Variants in RFESD observed in about 807,000 individuals in gnomAD.
RFESD encodes the protein Rieske Fe-S domain containing, also known as Rieske domain-containing protein.
In RFESD, 16 loss-of-function variants were observed where a neutral mutation model predicts 24.4. The ratio of observed to expected loss-of-function variants is 0.66; its 90% confidence interval spans 0.44 to 1.00. The LOEUF is 1.00. Ranked by LOEUF, RFESD falls within the 50% of genes least tolerant of loss-of-function variation. The pLI is 0.00. For synonymous variants in RFESD, 59 were observed against 81.8 expected, an observed-to-expected ratio of 0.72 and a Z score of 1.50; for missense variants, 208 against 247.0, an observed-to-expected ratio of 0.84 and a Z score of 1.06.
intron 5 of RFESD, 28 bp downstream of exon 5, chr5:95,654,395 A>G: frequency 7.0e-7 from 1 of 1,419,316 alleles, no homozygotes; most frequent in South Asian, 1.2e-5. Context: ...TATTTTCAGC[A>G]AATTCAGCAA....
intron 2 of RFESD, 190 bp downstream of exon 2, chr5:95,652,521 C>T: frequency 4.3e-6 from 3 of 693,480 alleles, no homozygotes; most frequent in Non-Finnish European, 6.4e-6. Context: ...CCATTCATTT[C>T]TTGGCCTTTC....
At chr5:95,646,925 G>A (rs1181031988) in intron 1 of RFESD, 108 bp downstream of exon 1, 2 of 152,408 alleles carry the variant, frequency 1.3e-5, no homozygotes, top group African/African-American at 4.8e-5. Context: ...CCGCTGCGGG[G>A]CCTGAGGCCC....
In RFESD at chr5:95,654,323, T is replaced by G. The variant is rs1750582143; in HGVS notation, c.335-10T>G. On this transcript the variant is annotated splice_polypyrimidine_tract_variant and intron_variant, in intron 4 of 5. Transcript: ENST00000380005. The stretch of plus-strand genomic sequence containing the variant: ...TTAGTGACTGCAGGTAATATTCAAT[T>G]CCTTTTCAGACTCAGGAGGACCTTT... 6.2e-7 allele frequency: 1 copy of G among 1,609,534 alleles called. No homozygotes were observed. Among genetic ancestry groups the G allele is most frequent in the African/African-American group, 1.3e-5 (1 of 74,818 alleles).
At position 95,646,780 on chromosome 5, in the gene RFESD, G is replaced by A. The variant is rs548449830; in HGVS notation, c.-173G>A. 1 of 152,264 alleles carries A rather than the reference G, an allele frequency of 6.6e-6. No homozygotes were observed. The highest frequency in any genetic ancestry group is 1.5e-5 in the Non-Finnish European group (1 of 68,078). The allele number at this position is 152,264 out of a possible 1,614,324, so 9.4% of individuals were successfully genotyped here. On this transcript the variant is annotated 5_prime_UTR_variant, in exon 1 of 6. Transcript: ENST00000380005. ...CACGTCTGGAGCTCTGGCTCGTGCA[G>A]TAGCGTCACGCGGAGGCGGAGCGAG...
chr5:95,652,362 C>A (rs994339062), intron 2 of RFESD, 31 bp downstream of exon 2: 1 of 1,546,368 alleles, frequency 6.5e-7, no homozygotes, highest in Admixed American at 2.0e-5. Flanking sequence ...GACCTGGAAA[C>A]TCCCCAGTTT....
rs1750387720 is a variant in RFESD at position 95,652,315 on chromosome 5, C to T, written c.44C>T (p.Ser15Phe). The T allele has an allele frequency of 6.4e-7, 1 of 1,550,880 alleles. No individual in the cohort carries two copies. The highest frequency in any genetic ancestry group is 1.4e-5 in the African/African-American group (1 of 73,034). ...FRNCLRPSSL[S>F]TLPLQYGILF... ...AATTGTCTTAGACCTTCTTCCTTAT[C>T]TACACTTCCTCTCCAAGTGAGTCCA... The change falls in exon 2 of 6, where the codon TCT becomes TTT. Residue 15 changes from serine to phenylalanine, a missense_variant. Ser to Phe is a radical substitution (Grantham distance 155, BLOSUM62 -2). Transcript: ENST00000380005.
At chr5:95,654,295 T>C (rs772587611) in intron 4 of RFESD, 38 bp from the exon 5 acceptor site, 1 of 1,610,584 alleles carries the variant, frequency 6.2e-7, no homozygotes, top group Non-Finnish European at 8.5e-7. Context: ...AAATTTCAGT[T>C]TTTTAGTGAC....
intron 1 of RFESD, among the ~76,000 whole-genome samples, chr5:95,649,583 A>C (rs926455314): frequency 1.3e-5 from 2 of 152,372 alleles, no homozygotes; most frequent in African/African-American, 2.4e-5. Flanking sequence ...TATCACTAGC[A>C]GTTCCATATT....
chr5:95,654,169 C>G lies in RFESD; in HGVS notation c.267C>G (p.Val89=). 6.2e-7 allele frequency: 1 copy of G among 1,612,434 alleles called. No homozygotes were observed. Among genetic ancestry groups the G allele is most frequent in the Non-Finnish European group, 8.5e-7 (1 of 1,179,346 alleles). Residue 89 remains valine (V), a synonymous_variant, in exon 4 of 6, where the codon GTC becomes GTG. Transcript: ENST00000380005. The stretch of plus-strand genomic sequence containing the variant: ...AATCTGAAAGAATGACAGCTGTTGT[C>G]CATGATAGAGAAGTGGTCATTTTCT... ...IKKSERMTAV[V]HDREVVIFYH...
rs199897744 is a variant in RFESD, at chr5:95,654,152, A to G, written c.250A>G (p.Arg84Gly). The G allele has an allele frequency of 1.1e-5, 18 of 1,612,446 alleles. No homozygotes were observed. The African/African-American group carries it at 2.4e-4, about 22-fold the overall frequency. ...AGAAGATGACATTAAAAAATCTGAAAGAATGACAGCTGTTGTCCATGATAG... is the reference window on the plus strand; with the variant it reads ...AGAAGATGACATTAAAAAATCTGAAGGAATGACAGCTGTTGTCCATGATAG... ...GREDDIKKSE[R>G]MTAVVHDREV... is the part of the protein sequence containing the mutation. Residue 84 changes from arginine to glycine, a missense_variant, in exon 4 of 6, where the codon AGA becomes GGA. By Grantham distance (125) the Arg-to-Gly change is moderately radical. Coordinates refer to ENST00000380005, the MANE Select transcript of RFESD (RefSeq NM_001131066.2).
At chr5:95,649,116 TGAAAA>T (rs1316426062) in intron 1 of RFESD, among the ~76,000 whole-genome samples, 5 of 145,048 alleles carry the variant, frequency 3.4e-5, no homozygotes, top group Non-Finnish European at 6.1e-5. Context: ...ACTTAAATCT[TGAAAA>T]GAATAATTTT....
chr5:95,650,124 C>A (rs1206732317), intron 1 of RFESD, among the ~76,000 whole-genome samples: 1 of 152,156 alleles, frequency 6.6e-6, no homozygotes, highest in Non-Finnish European at 1.5e-5. Flanking sequence ...AAAATCATGG[C>A]CATGGTCCTC....
chr5:95,649,235 T>A (rs1750219224), intron 1 of RFESD, among the ~76,000 whole-genome samples: 1 of 152,232 alleles, frequency 6.6e-6, no homozygotes, highest in Non-Finnish European at 1.5e-5. Flanking sequence ...CCATGAATAA[T>A]ATACTGTTTG....
Position 95,656,338 on chromosome 5 carries a change from G to A in RFESD, c.*29G>A. 1 of 1,540,264 alleles carries A rather than the reference G, an allele frequency of 6.5e-7. No homozygotes were observed. The highest frequency in any genetic ancestry group is 8.8e-7 in the Non-Finnish European group (1 of 1,132,310). On this transcript the variant is annotated 3_prime_UTR_variant, in exon 6 of 6. Coordinates refer to ENST00000380005, the MANE Select transcript of RFESD (RefSeq NM_001131066.2). ...AAAATATATAGAAATGAAAAATGTT[G>A]TGTATGCTTGAAAACATTTTTAGAA...
intron 5 of RFESD, among the ~76,000 whole-genome samples, chr5:95,655,735 C>T (rs1240938716): frequency 1.3e-5 from 2 of 152,152 alleles, no homozygotes; most frequent in African/African-American, 4.8e-5. Context: ...ACTTGAAGTC[C>T]TTGCCCCATT....
At chr5:95,649,219 A>T (rs562600180) in intron 1 of RFESD, among the ~76,000 whole-genome samples, 1 of 152,216 alleles carries the variant, frequency 6.6e-6, no homozygotes, top group Non-Finnish European at 1.5e-5. Flanking sequence ...CCTATAGTAC[A>T]TATATCCATG....
Position 95,657,983 on chromosome 5 carries a change from T to C in RFESD, c.*1674T>C, listed in dbSNP as rs1328801772. ...GAATAATTACAGAAATATTTTCTCATAGGAGCCACTGGCAATAATGAGTAG... is the reference window on the plus strand; with the variant it reads ...GAATAATTACAGAAATATTTTCTCACAGGAGCCACTGGCAATAATGAGTAG... On this transcript the variant is annotated 3_prime_UTR_variant, in exon 6 of 6. Coordinates refer to ENST00000380005, the MANE Select transcript of RFESD (RefSeq NM_001131066.2). 6.6e-6 allele frequency: 1 copy of C among 152,214 alleles called. No homozygotes were observed. 9.4% of individuals were successfully genotyped at this position (152,214 alleles called of 1,614,324 possible).
rs879301948 is a variant in RFESD at position 95,657,903 on chromosome 5, T to C, written c.*1594T>C. 1 of 151,646 alleles carries C rather than the reference T, an allele frequency of 6.6e-6. No homozygotes were observed. The highest frequency in any genetic ancestry group is 1.5e-5 in the Non-Finnish European group (1 of 67,978). The allele number at this position is 151,646 out of a possible 1,614,324, so 9.4% of individuals were successfully genotyped here. A position where few individuals can be genotyped will look rare whatever the true frequency, so the allele number is the denominator to read the frequency against. On this transcript the variant is annotated 3_prime_UTR_variant, in exon 6 of 6. Transcript: ENST00000380005. ...CTTAACACATGTCCAGAATATAAAG[T>C]GTACAGAAGAAATCAAAGTACTTTC...
intron 1 of RFESD, among the ~76,000 whole-genome samples, chr5:95,650,274 A>C (rs1397969243): frequency 6.6e-6 from 1 of 152,202 alleles, no homozygotes; most frequent in Non-Finnish European, 1.5e-5. Flanking sequence ...CAGAGTACAA[A>C]TTTGACATCC....
Sources: allele counts gnomAD v4.1 joint callset (sites outside exome capture counted in the v4.1 genomes callset), GRCh38; gene constraint gnomAD v4.1.1; transcripts MANE v1.5; gene names NCBI Gene and HGNC (gene_info 2026-07-23, HGNC 2026-07-21).